The following SLC39A11 variants were observed in gnomAD, a reference collection of about 807,000 sequenced individuals.
The protein encoded by SLC39A11 is zinc transporter ZIP11.
Under a neutral mutation model 36.1 loss-of-function variants are expected in SLC39A11, and 33 were observed. The ratio of observed to expected loss-of-function variants is 0.91; its 90% CI spans 0.69 to 1.22. The LOEUF (loss-of-function observed/expected upper bound fraction) is 1.22. Among genes scored for constraint, SLC39A11 ranks in the 50% most tolerant of loss-of-function variants. The probability of loss-of-function intolerance (pLI) is 0.00; values close to 1 mark genes in which losing one functional copy is unlikely to be tolerated. For missense variants in SLC39A11, 432 were observed against 430.3 expected (o/e 1.00, Z -0.03); for synonymous variants, 166 against 170.3 (o/e 0.97, Z 0.20).
intron 3 of SLC39A11, chr17:73,072,497 T>G (rs528407214): frequency 6.6e-6 from 1 of 152,306 alleles, no homozygotes; most frequent in African/African-American, 2.4e-5. Flanking sequence ...GAAGGTGATG[T>G]GTATCACTTC....
intron 6 of SLC39A11, among the ~76,000 whole-genome samples, chr17:72,803,094 G>A (rs577548628): frequency 6.6e-6 from 1 of 152,362 alleles, no homozygotes. Context: ...GACGGGATTT[G>A]GTTTCCCAAA....
chr17:72,714,073 A>G (rs2073231493), intron 7 of SLC39A11, among the ~76,000 whole-genome samples: 2 of 152,294 alleles, frequency 1.3e-5, no homozygotes, highest in Non-Finnish European at 1.5e-5. Flanking sequence ...GCAGTGGCTC[A>G]GGCCGGGCGC....
rs747140802 is a variant in SLC39A11 at position 72,648,925 on chromosome 17, G to A, written c.807C>T (p.Ala269=). Residue 269 remains alanine, a synonymous_variant, in exon 9 of 10, where the codon GCC becomes GCT. Coordinates refer to ENST00000255559, the MANE Select transcript of SLC39A11 (RefSeq NM_139177.4). The stretch of plus-strand genomic sequence containing the variant: ...CCACGGCAAAGGCACCAAAGACCCC[G>A]GCCAGGGGCTCCACCATGCCGCTCA... ...GQLSGMVEPL[A]GVFGAFAVVL... The A allele has an allele frequency of 1.2e-5, 19 of 1,613,718 alleles. No individual in the cohort carries two copies. Among genetic ancestry groups the A allele is most frequent in the African/African-American group, 5.3e-5 (4 of 74,924 alleles).
intron 5 of SLC39A11, among the ~76,000 whole-genome samples, chr17:72,900,154 AAAGAAAGAAAGAAAGAAAG>A (rs1567912347): frequency 5.9e-5 from 1 of 16,838 alleles, no homozygotes; most frequent in Non-Finnish European, 1.5e-4. Flanking sequence ...GAAAGAAAGA[AAAGAAAGAAAGAAAGAAAG>A]AAAGAAAGAA....
Position 72,647,601 on chromosome 17 carries a change from C to T in SLC39A11, c.991G>A (p.Asp331Asn). ...TCTCAGCCCTAGCCCAGGCCAACGTCCAGTGACATCATCACTACAAATCCC... is the reference window on the plus strand; with the variant it reads ...TCTCAGCCCTAGCCCAGGCCAACGTTCAGTGACATCATCACTACAAATCCC... Reference protein sequence around the residue: ...ILGFVVMMSLDVGLG With the variant: ...ILGFVVMMSLNVGLG The change falls in exon 10 of 10, where the codon GAC (aspartate) becomes AAC (asparagine). Residue 331 changes from aspartate (D) to asparagine (N), a missense_variant. Physicochemically the swap from Asp to Asn is conservative, Grantham distance 23. Transcript: ENST00000255559. 1 of 1,613,948 alleles carries T rather than the reference C, an allele frequency of 6.2e-7. No homozygotes were observed. Among genetic ancestry groups the T allele is most frequent in the African/African-American group, 1.3e-5 (1 of 75,032 alleles).
intron 7 of SLC39A11, among the ~76,000 whole-genome samples, chr17:72,714,996 C>A (rs73995728): frequency 0.056 from 8,565 of 152,200 alleles, 334 homozygotes; most frequent in African/African-American, 0.11. Flanking sequence ...TCCATGTAGC[C>A]CCTTCACGCT....
In SLC39A11 at chr17:73,024,700, T is replaced by C. The variant is rs560208719; in HGVS notation, c.306+6856A>G. 4.8e-4 allele frequency among the ~76,000 whole-genome samples: 73 copies of C among 151,748 alleles called. 2 individuals carry two copies. The highest frequency in any genetic ancestry group is 1.5e-5 in the Non-Finnish European group (1 of 67,956). On this transcript the variant is annotated intron_variant, in intron 4 of 9. Coordinates refer to ENST00000255559, the MANE Select transcript of SLC39A11 (RefSeq NM_139177.4). ...CAAATATTGATACCAGTAAAAGTTG[T>C]GTACATTTTTTTTTTTAGACAAAGT...
chr17:72,906,049 G>A (rs548665773), intron 5 of SLC39A11, among the ~76,000 whole-genome samples: 133 of 152,224 alleles, frequency 8.7e-4, no homozygotes, highest in Non-Finnish European at 1.6e-3. Context: ...CACCACACTC[G>A]GCCAAAGAGG....
intron 7 of SLC39A11, among the ~76,000 whole-genome samples, chr17:72,683,333 ATTTT>A (rs112326860): frequency 7.4e-6 from 1 of 134,598 alleles, no homozygotes; most frequent in Admixed American, 7.7e-5. Flanking sequence ...CTTGAGACTA[ATTTT>A]TTTTTTTTTT....
At chr17:73,046,107 T>C (rs1007230888) in intron 3 of SLC39A11, among the ~76,000 whole-genome samples, 11 of 152,154 alleles carry the variant, frequency 7.2e-5, no homozygotes, top group South Asian at 2.1e-4. Context: ...CAAAGATCTA[T>C]AAGAGAGGAG....
At chr17:72,866,756 GAAT>G (rs1434827421) in intron 5 of SLC39A11, among the ~76,000 whole-genome samples, 1 of 152,204 alleles carries the variant, frequency 6.6e-6, no homozygotes, top group African/African-American at 2.4e-5. Flanking sequence ...CAACTAATTA[GAAT>G]AATAAGTGCC....
intron 6 of SLC39A11, among the ~76,000 whole-genome samples, chr17:72,785,447 A>T (rs2076477720): frequency 6.6e-6 from 1 of 152,220 alleles, no homozygotes; most frequent in African/African-American, 2.4e-5. Flanking sequence ...GTGGTGAGGG[A>T]GCTCAGGAGC....
chr17:72,774,148 C>T (rs1204951737), intron 6 of SLC39A11, among the ~76,000 whole-genome samples: 1 of 152,122 alleles, frequency 6.6e-6, no homozygotes, highest in African/African-American at 2.4e-5. Context: ...GTGATGTGGT[C>T]CATGGAAATG....
intron 2 of SLC39A11, among the ~76,000 whole-genome samples, chr17:73,088,445 G>A (rs947531169): frequency 2.0e-5 from 3 of 152,146 alleles, no homozygotes; most frequent in Non-Finnish European, 4.4e-5. Flanking sequence ...GATGGTGCAT[G>A]AAGGTGTCTA....
chr17:72,973,000 T>C (rs2087566966), intron 4 of SLC39A11, among the ~76,000 whole-genome samples: 1 of 151,744 alleles, frequency 6.6e-6, no homozygotes, highest in Admixed American at 6.6e-5. Context: ...TCAACCGAGC[T>C]CCTGGACAGC....
chr17:72,870,365 A>G (rs1229994390), intron 5 of SLC39A11, among the ~76,000 whole-genome samples: 1 of 152,220 alleles, frequency 6.6e-6, no homozygotes, highest in African/African-American at 2.4e-5. Flanking sequence ...ATTCCTCTCC[A>G]GACTGTGTTT....
At chr17:72,838,658 G>A (rs188263728) in intron 6 of SLC39A11, among the ~76,000 whole-genome samples, 2 of 152,338 alleles carry the variant, frequency 1.3e-5, no homozygotes, top group East Asian at 3.9e-4. Flanking sequence ...CTACCAGTGA[G>A]CGTGGGGATG....
chr17:72,846,018 C>CTTTTTTTTTTTTTTTTTTT lies in SLC39A11; in HGVS notation c.601+3597_601+3615dup, dbSNP rs569100122. Among the ~76,000 whole-genome samples the CTTTTTTTTTTTTTTTTTTT allele has an allele frequency of 2.1e-4, 12 of 57,956 alleles. 2 individuals carry two copies. Among genetic ancestry groups the CTTTTTTTTTTTTTTTTTTT allele is most frequent in the African/African-American group, 6.0e-4 (7 of 11,710 alleles). 38.0% of individuals were successfully genotyped at this position (57,956 alleles called of 152,430 possible). A position where few individuals can be genotyped will look rare whatever the true frequency, so the allele number is the denominator to read the frequency against. On this transcript the variant is annotated intron_variant, in intron 6 of 9. Coordinates refer to ENST00000255559, the MANE Select transcript of SLC39A11 (RefSeq NM_139177.4). ...CCAATGAATCTCTCTCTCTCTCTCT[C>CTTTTTTTTTTTTTTTTTTT]TTTTTTTTTTTTTTTTTTTTTTTTT...
At chr17:72,925,795 G>A (rs1181824824) in intron 5 of SLC39A11, among the ~76,000 whole-genome samples, 1 of 152,188 alleles carries the variant, frequency 6.6e-6, no homozygotes, top group African/African-American at 2.4e-5. Flanking sequence ...CCTCCACCAT[G>A]ACATTGCACA....
Sources: gnomAD v4.1 joint callset for allele counts (sites outside exome capture counted in the v4.1 genomes callset) on GRCh38, gnomAD v4.1.1 for gene constraint, MANE v1.5 for transcripts, NCBI Gene and HGNC (gene_info 2026-07-23, HGNC 2026-07-21) for gene names.